DAB2IP: variants seen among roughly 807,000 people sequenced by gnomAD.
The protein encoded by DAB2IP is disabled homolog 2-interacting protein.
A neutral mutation model predicts 107.2 loss-of-function variants in DAB2IP; 28 were observed. That is an observed-to-expected ratio of 0.26 (90% confidence interval 0.19 to 0.36). The LOEUF (loss-of-function observed/expected upper bound fraction) is 0.36, where lower values mean the gene tolerates loss of function less well. DAB2IP is among the 10% of genes least tolerant of loss of function. The pLI is 1.00. For missense variants in DAB2IP, 1,400 were observed against 1,644.7 expected (o/e 0.85, Z 2.57); for synonymous variants, 755 against 706.4 (o/e 1.07, Z -1.09).
chr9:121,603,403 G>C (rs1032012717), intron 1 of DAB2IP, among the ~76,000 whole-genome samples: 8 of 152,116 alleles, frequency 5.3e-5, no homozygotes, highest in Non-Finnish European at 1.0e-4. Flanking sequence ...GGACCTATTT[G>C]ATCCTGCTGA....
At chr9:121,624,795 A>G (rs1377147152) in intron 1 of DAB2IP, among the ~76,000 whole-genome samples, 1 of 152,256 alleles carries the variant, frequency 6.6e-6, no homozygotes, top group Non-Finnish European at 1.5e-5. Context: ...CTCCATCATT[A>G]TGTAACACAC....
chr9:121,640,681 A>G (rs185238619), intron 1 of DAB2IP, among the ~76,000 whole-genome samples: 21 of 152,150 alleles, frequency 1.4e-4, no homozygotes, highest in Admixed American at 3.9e-4. Flanking sequence ...TCCAGCCCCA[A>G]CTCTCCAACT....
chr9:121,695,621 A>C (rs1332235579), intron 2 of DAB2IP, among the ~76,000 whole-genome samples: 1 of 152,134 alleles, frequency 6.6e-6, no homozygotes, highest in African/African-American at 2.4e-5. Context: ...CGCCATCTGC[A>C]GGAGAAGTGG....
chr9:121,746,514 C>T (rs551470729), intron 3 of DAB2IP, among the ~76,000 whole-genome samples: 5 of 152,260 alleles, frequency 3.3e-5, no homozygotes, highest in Admixed American at 3.3e-4. Context: ...GGAAACCTGG[C>T]CCTCAAGGAT....
At chr9:121,583,999 A>G (rs1830261740) in intron 1 of DAB2IP, among the ~76,000 whole-genome samples, 1 of 151,962 alleles carries the variant, frequency 6.6e-6, no homozygotes, top group Non-Finnish European at 1.5e-5. Context: ...CAACATGGTG[A>G]AACCCTGTCT....
At chr9:121,580,104 C>G (rs1217283446) in intron 1 of DAB2IP, among the ~76,000 whole-genome samples, 4 of 152,156 alleles carry the variant, frequency 2.6e-5, no homozygotes, top group African/African-American at 9.7e-5. Flanking sequence ...TCCTCCCCTG[C>G]CCCACCAGGT....
At chr9:121,724,600 C>T (rs1198642375) in intron 3 of DAB2IP, among the ~76,000 whole-genome samples, 1 of 152,218 alleles carries the variant, frequency 6.6e-6, no homozygotes, top group Non-Finnish European at 1.5e-5. Flanking sequence ...GTCTCTGGCA[C>T]CTAGAATCGG....
In DAB2IP at chr9:121,772,623, C is replaced by T. The variant is rs374349526; in HGVS notation, c.2095C>T (p.Arg699Trp). Residue 699 changes from arginine (R) to tryptophan (W), a missense_variant, in exon 12 of 16, where the codon CGG (arginine) becomes TGG (tryptophan). Around this residue, in one of 3 missense-constraint regions of DAB2IP, gnomAD observed 517 missense variants for 748.6 expected, o/e 0.69. Transcript: ENST00000408936. This position sits in a 1 kb window ranked among gnomAD's most constrained non-coding sequence, Gnocchi z 4.7. ...TCCCTGCAGTCTGATAGATTTCACC[C>T]GGTTACCGTCTCCAACCCCCGAAAA... The T allele has an allele frequency of 1.8e-5, 29 of 1,613,086 alleles. No homozygotes were observed. The highest frequency in any genetic ancestry group is 5.0e-5 in the Admixed American group (3 of 59,952).
At chr9:121,707,641 C>T (rs1039943730) in intron 3 of DAB2IP, among the ~76,000 whole-genome samples, 8 of 152,182 alleles carry the variant, frequency 5.3e-5, no homozygotes, top group African/African-American at 1.7e-4. Flanking sequence ...TTTGATGCGA[C>T]GTTGTCATGG....
At chr9:121,753,179 C>T (rs1257699204) in intron 3 of DAB2IP, 1 of 152,280 alleles carries the variant, frequency 6.6e-6, no homozygotes, top group Non-Finnish European at 1.5e-5. Flanking sequence ...AGACCTGCTT[C>T]TGTAGGTAGT....
chr9:121,762,779 A>AG (rs1472450534), intron 6 of DAB2IP, among the ~76,000 whole-genome samples: 1 of 151,924 alleles, frequency 6.6e-6, no homozygotes, highest in African/African-American at 2.4e-5. Context: ...GGGGCTTCTG[A>AG]GGGAGGGTGT....
chr9:121,585,690 C>CA (rs1265251535), intron 1 of DAB2IP, among the ~76,000 whole-genome samples: 20 of 151,986 alleles, frequency 1.3e-4, no homozygotes, highest in Admixed American at 9.8e-4. Context: ...CCTGTCTCTA[C>CA]AAAAAAATAC....
chr9:121,648,727 G>T (rs1832631212), upstream of DAB2IP, among the ~76,000 whole-genome samples: 1 of 152,240 alleles, frequency 6.6e-6, no homozygotes, highest in African/African-American at 2.4e-5. Context: ...CAGCACATGG[G>T]AGAGGTGGGA....
chr9:121,570,175 G>A lies in DAB2IP; in HGVS notation c.40+2947G>A, dbSNP rs184534236. Among the ~76,000 whole-genome samples, 1,006 of 142,102 alleles carry A rather than the reference G, an allele frequency of 7.1e-3. 17 individuals carry two copies. The highest frequency in any genetic ancestry group is 0.027 in the African/African-American group (959 of 36,026). The allele number at this position is 142,102 out of a possible 152,430, so 93.2% of individuals were successfully genotyped here. ...CATCCAGGCTGGAGTGCAGTGGTGC[G>A]ATCTCAGCTCAATTGCAACCTCCAC... On this transcript the variant is annotated intron_variant, in intron 1 of 16. Coordinates refer to the DAB2IP transcript ENST00000259371.
In DAB2IP at chr9:121,627,634, G is replaced by A. The variant is rs1347498206; in HGVS notation, c.41-51044G>A. Reference sequence around the variant, plus strand: ...CATGATCTTCCTGTGTATGAAGAGCGGGGCTGGGCTAGGGCTGGGGCAGAG... The same window carrying A: ...CATGATCTTCCTGTGTATGAAGAGCAGGGCTGGGCTAGGGCTGGGGCAGAG... On this transcript the variant is annotated intron_variant, in intron 1 of 16. Coordinates refer to the DAB2IP transcript ENST00000259371. Among the ~76,000 whole-genome samples the A allele has an allele frequency of 3.3e-5, 5 of 152,202 alleles. No individual in the cohort carries two copies. The East Asian group carries it at 5.8e-4, about 18-fold the overall frequency.
chr9:121,710,414 G>A (rs1261472417), intron 3 of DAB2IP, among the ~76,000 whole-genome samples: 1 of 152,146 alleles, frequency 6.6e-6, no homozygotes, highest in Non-Finnish European at 1.5e-5. Flanking sequence ...GAGTCATCAG[G>A]ATGTGAGGGC....
Position 121,656,032 on chromosome 9 carries a change from G to A in DAB2IP, c.124+4133G>A, listed in dbSNP as rs535135899. Among the ~76,000 whole-genome samples the A allele has an allele frequency of 2.6e-3, 399 of 151,614 alleles. 1 individual carries two copies. Among genetic ancestry groups the A allele is most frequent in the African/African-American group, 9.3e-3 (385 of 41,348 alleles). ...CCTGGCTTTTTTTTTTTTTGAGACG[G>A]AGTTTTGCTTTTGTTACCCAGGCTG... On this transcript the variant is annotated intron_variant, in intron 1 of 15. Transcript: ENST00000408936.
At chr9:121,731,765 C>A (rs1831553921) in intron 3 of DAB2IP, among the ~76,000 whole-genome samples, 1 of 152,186 alleles carries the variant, frequency 6.6e-6, no homozygotes, top group African/African-American at 2.4e-5. Flanking sequence ...TAGATCTCTT[C>A]TTTTGGGGTC....
intron 1 of DAB2IP, among the ~76,000 whole-genome samples, chr9:121,577,430 G>A (rs1441668424): frequency 3.9e-5 from 6 of 152,240 alleles, no homozygotes; most frequent in Non-Finnish European, 7.3e-5. Flanking sequence ...ACGGGCAGGC[G>A]TGCGTGAGTG....
Sources: allele counts gnomAD v4.1 joint callset (sites outside exome capture counted in the v4.1 genomes callset), GRCh38; gene constraint gnomAD v4.1.1; regional missense constraint gnomAD v4.1.1; non-coding constraint Gnocchi (gnomAD v3.1); transcripts MANE v1.5; gene names NCBI Gene and HGNC (gene_info 2026-07-23, HGNC 2026-07-21).